NPR3: variants seen among roughly 807,000 people sequenced by gnomAD.
NPR3 encodes natriuretic peptide receptor 3.
A neutral mutation model predicts 54.5 loss-of-function variants in NPR3; 34 were observed. The observed-to-expected ratio is 0.62, with a 90% CI of 0.47 to 0.83. The LOEUF is 0.83. NPR3 is among the 40% of genes least tolerant of loss of function. NPR3 has a pLI of 0.00. For synonymous variants in NPR3, 289 were observed against 297.1 expected (o/e 0.97, Z 0.28); for missense variants, 674 against 720.8 (o/e 0.94, Z 0.74).
In NPR3 at chr5:32,786,563, A is replaced by T; in HGVS notation, c.*218A>T. On this transcript the variant is annotated 3_prime_UTR_variant, in exon 8 of 8. Transcript: ENST00000265074. ...CATGACAAACAAATATAATAATGAT[A>T]TCGTGTCACTCTGTTAAATGTTCAT... The T allele has an allele frequency of 1.9e-6, 1 of 527,008 alleles. No homozygotes were observed. The highest frequency in any genetic ancestry group is 3.6e-5 in the East Asian group (1 of 27,998). 32.6% of individuals were successfully genotyped at this position (527,008 alleles called of 1,614,324 possible).
chr5:32,738,729 A>T, intron 2 of NPR3, 135 bp from the exon 3 acceptor site: 1 of 682,548 alleles, frequency 1.5e-6, no homozygotes, highest in South Asian at 1.9e-5. Flanking sequence ...ATCATACCTA[A>T]GTGCAAAACT....
chr5:32,711,483 G>A lies in NPR3; in HGVS notation c.-294G>A. 1 of 1,142,698 alleles carries A rather than the reference G, an allele frequency of 8.8e-7. No individual in the cohort carries two copies. The highest frequency in any genetic ancestry group is 1.1e-6 in the Non-Finnish European group (1 of 933,478). 70.8% of individuals were successfully genotyped at this position (1,142,698 alleles called of 1,614,324 possible). On this transcript the variant is annotated 5_prime_UTR_variant, in exon 1 of 8. Transcript: ENST00000265074. ...AAGCAAAATAGTATATGTATAAACG[G>A]AGGGCGAATATATACAAGTATATAT...
At chr5:32,697,831 G>T (rs189669662) in intron 1 of NPR3, among the ~76,000 whole-genome samples, 1 of 152,128 alleles carries the variant, frequency 6.6e-6, no homozygotes, top group Admixed American at 6.5e-5. Flanking sequence ...GGTATTGATT[G>T]TAATGTCTCC....
At chr5:32,691,582 CAT>C (rs1401174011) in intron 1 of NPR3, among the ~76,000 whole-genome samples, 1 of 152,220 alleles carries the variant, frequency 6.6e-6, no homozygotes, top group Non-Finnish European at 1.5e-5. Flanking sequence ...GCGTTAGAAA[CAT>C]ATTGAATTTG....
chr5:32,762,248 A>G (rs1164884288), intron 3 of NPR3, among the ~76,000 whole-genome samples: 1 of 152,064 alleles, frequency 6.6e-6, no homozygotes, highest in Non-Finnish European at 1.5e-5. Context: ...GTGCTGCAAT[A>G]AACATACATG....
At chr5:32,783,762 C>G (rs1175320076) in intron 6 of NPR3, among the ~76,000 whole-genome samples, 1 of 152,176 alleles carries the variant, frequency 6.6e-6, no homozygotes, top group Non-Finnish European at 1.5e-5. Context: ...TATTTGACAT[C>G]CCACTGTTGT....
chr5:32,696,009 G>A (rs564886714), intron 1 of NPR3, among the ~76,000 whole-genome samples: 1 of 152,294 alleles, frequency 6.6e-6, no homozygotes, highest in Non-Finnish European at 1.5e-5. Flanking sequence ...TGGCTGTGCA[G>A]AAGCTTTTCA....
chr5:32,739,838 T>C (rs936596405), intron 3 of NPR3, among the ~76,000 whole-genome samples: 1 of 152,200 alleles, frequency 6.6e-6, no homozygotes, highest in African/African-American at 2.4e-5. Context: ...TCTTCAAAAC[T>C]AATCACTCTA....
At chr5:32,750,302 A>G (rs1740511520) in intron 3 of NPR3, among the ~76,000 whole-genome samples, 1 of 151,994 alleles carries the variant, frequency 6.6e-6, no homozygotes, top group African/African-American at 2.4e-5. Flanking sequence ...CTAATGGCTA[A>G]TTTTTGGATT....
chr5:32,700,891 T>C (rs1003670004), intron 1 of NPR3, among the ~76,000 whole-genome samples: 4 of 152,244 alleles, frequency 2.6e-5, no homozygotes, highest in Admixed American at 6.5e-5. Flanking sequence ...GCATGATTTA[T>C]AATCTCCTGG....
chr5:32,733,097 G>A (rs186146115), intron 2 of NPR3, among the ~76,000 whole-genome samples: 4 of 152,080 alleles, frequency 2.6e-5, no homozygotes, highest in Non-Finnish European at 5.9e-5. Context: ...CGCCTGCCTC[G>A]GCCTCCCAAA....
intron 3 of NPR3, among the ~76,000 whole-genome samples, chr5:32,763,585 A>G (rs1741288213): frequency 6.6e-6 from 1 of 150,924 alleles, no homozygotes; most frequent in Admixed American, 6.6e-5. Context: ...AAGTGCTGGG[A>G]TTACAGACCT....
intron 3 of NPR3, among the ~76,000 whole-genome samples, chr5:32,763,476 A>ATTTT (rs34351463): frequency 3.0e-5 from 4 of 133,824 alleles, no homozygotes; most frequent in Non-Finnish European, 6.4e-5. Flanking sequence ...CGCTCAGCTA[A>ATTTT]TTTTTTTTTT....
intron 3 of NPR3, among the ~76,000 whole-genome samples, chr5:32,768,047 G>A (rs975304825): frequency 1.3e-5 from 2 of 152,188 alleles, no homozygotes; most frequent in African/African-American, 4.8e-5. Context: ...TGAGTGGGAT[G>A]CCTGCTCCTG....
At chr5:32,710,662 G>A (rs1000239117), upstream of NPR3, 4 of 1,510,992 alleles carry the variant, frequency 2.6e-6, no homozygotes, top group African/African-American at 5.6e-5. Flanking sequence ...CCAGGTCCGC[G>A]ATGGAGCCAT....
intron 1 of NPR3, among the ~76,000 whole-genome samples, chr5:32,713,694 G>A (rs533673831): frequency 1.5e-4 from 23 of 152,362 alleles, no homozygotes; most frequent in African/African-American, 5.3e-4. Flanking sequence ...GAGCACCTGG[G>A]CGCTGGTCGT....
At chr5:32,780,341 G>A (rs756634439) in intron 4 of NPR3, among the ~76,000 whole-genome samples, 140 of 152,126 alleles carry the variant, frequency 9.2e-4, no homozygotes, top group Middle Eastern at 3.4e-3. Flanking sequence ...CAATGATAAC[G>A]CAAACCCATG....
chr5:32,692,308 G>A (rs1232479200), intron 1 of NPR3, among the ~76,000 whole-genome samples: 1 of 152,130 alleles, frequency 6.6e-6, no homozygotes, highest in Admixed American at 6.5e-5. Flanking sequence ...AGACAACCAA[G>A]AGCCTGCCAA....
At position 32,788,162 on chromosome 5, in the gene NPR3, A is replaced by T. The variant is rs767548575; in HGVS notation, c.*1817A>T. 2.6e-5 allele frequency: 4 copies of T among 152,254 alleles called. No individual in the cohort carries two copies. The highest frequency in any genetic ancestry group is 5.9e-5 in the Non-Finnish European group (4 of 68,058). The allele number at this position is 152,254 out of a possible 1,614,324, so 9.4% of individuals were successfully genotyped here. A position where few individuals can be genotyped will look rare whatever the true frequency, so the allele number is the denominator to read the frequency against. ...TCCCTTCTGTTGTTTAAGAAATGGGAGCTGGGAGGCAGCTGAGAGGGCGTG... is the reference window on the plus strand; with the variant it reads ...TCCCTTCTGTTGTTTAAGAAATGGGTGCTGGGAGGCAGCTGAGAGGGCGTG... On this transcript the variant is annotated 3_prime_UTR_variant, in exon 8 of 8. Coordinates refer to ENST00000265074, the MANE Select transcript of NPR3 (RefSeq NM_001204375.2).
Sources: gnomAD v4.1 joint callset for allele counts (sites outside exome capture counted in the v4.1 genomes callset) on GRCh38, gnomAD v4.1.1 for gene constraint, MANE v1.5 for transcripts, NCBI Gene and HGNC (gene_info 2026-07-23, HGNC 2026-07-21) for gene names.